PLEKHG1: variants seen among roughly 807,000 people sequenced by gnomAD.
The protein encoded by PLEKHG1 is pleckstrin homology and RhoGEF domain containing G1, also known as pleckstrin homology domain-containing family G member 1.
Under a neutral mutation model 100.8 loss-of-function variants are expected in PLEKHG1, and 44 were observed. The observed-to-expected ratio is 0.44, with a 90% confidence interval of 0.34 to 0.56. PLEKHG1 has a LOEUF of 0.56. Ranked by LOEUF, PLEKHG1 falls within the 20% of genes least tolerant of loss-of-function variation. PLEKHG1 has a pLI of 0.01. For synonymous variants in PLEKHG1, 640 were observed against 662.5 expected, an observed-to-expected ratio of 0.97 and a Z score of 0.52; for missense variants, 1,545 against 1,720.9, an observed-to-expected ratio of 0.90 and a Z score of 1.81.
rs112509716 is a variant in PLEKHG1, at chr6:150,703,997, C to T, written c.-98-29587C>T. Among the ~76,000 whole-genome samples, 1,224 of 152,332 alleles carry T rather than the reference C, an allele frequency of 8.0e-3. 13 individuals carry two copies. Among genetic ancestry groups the T allele is most frequent in the African/African-American group, 0.028 (1,178 of 41,570 alleles). On this transcript the variant is annotated intron_variant, in intron 3 of 3. Transcript: ENST00000367326. Reference sequence around the variant, plus strand: ...CAGTTTGACATAGTAGAGCCTTTCACTCTGGTGAAGATCAGGACTTACAAA... The same window carrying T: ...CAGTTTGACATAGTAGAGCCTTTCATTCTGGTGAAGATCAGGACTTACAAA...
intron 3 of PLEKHG1, among the ~76,000 whole-genome samples, chr6:150,699,754 C>T (rs1054228016): frequency 1.3e-5 from 2 of 152,180 alleles, no homozygotes; most frequent in African/African-American, 4.8e-5. Context: ...TCTCTACTTT[C>T]AAAATAGTTT....
chr6:150,771,079 G>A (rs544957506), intron 3 of PLEKHG1, among the ~76,000 whole-genome samples: 3 of 152,214 alleles, frequency 2.0e-5, no homozygotes, highest in African/African-American at 2.4e-5. Context: ...GCTCTTAATC[G>A]CTAGAGTTTA....
chr6:150,649,714 TA>T (rs1193215772), intron 2 of PLEKHG1, among the ~76,000 whole-genome samples: 1 of 151,580 alleles, frequency 6.6e-6, no homozygotes, highest in Non-Finnish European at 1.5e-5. Flanking sequence ...CTGTCGCTAC[TA>T]AAAATACAAA....
At chr6:150,802,747 G>A (rs982837148) in intron 6 of PLEKHG1, among the ~76,000 whole-genome samples, 2 of 148,240 alleles carry the variant, frequency 1.3e-5, no homozygotes, top group East Asian at 2.0e-4. Context: ...TGCAACCTCC[G>A]CCTCCCGGGT....
intron 1 of PLEKHG1, among the ~76,000 whole-genome samples, chr6:150,608,619 C>T (rs547143369): frequency 3.9e-5 from 6 of 152,186 alleles, no homozygotes; most frequent in Admixed American, 1.3e-4. Flanking sequence ...AATTATTACT[C>T]GATGCTTCAA....
At chr6:150,761,207 G>A (rs781139667) in intron 2 of PLEKHG1, among the ~76,000 whole-genome samples, 3 of 146,276 alleles carry the variant, frequency 2.1e-5, no homozygotes, top group Admixed American at 1.4e-4. Context: ...CTGGGTTCAA[G>A]CGATTCTCCT....
intron 2 of PLEKHG1, among the ~76,000 whole-genome samples, chr6:150,642,536 A>G (rs1408459275): frequency 6.6e-6 from 1 of 152,166 alleles, no homozygotes; most frequent in Non-Finnish European, 1.5e-5. Flanking sequence ...TTAATATTAA[A>G]GTTGTATTTT....
intron 1 of PLEKHG1, among the ~76,000 whole-genome samples, chr6:150,630,366 T>C (rs1777694863): frequency 6.6e-6 from 1 of 152,192 alleles, no homozygotes. Context: ...TGAGAGCTGA[T>C]GGGATCTGGG....
chr6:150,705,608 TC>T (rs1780973633), intron 3 of PLEKHG1, among the ~76,000 whole-genome samples: 1 of 152,236 alleles, frequency 6.6e-6, no homozygotes, highest in South Asian at 2.1e-4. Flanking sequence ...TCAATCCACC[TC>T]CAGTCTGGAG....
At chr6:150,776,170 A>G (rs1784950426) in intron 3 of PLEKHG1, among the ~76,000 whole-genome samples, 1 of 152,220 alleles carries the variant, frequency 6.6e-6, no homozygotes, top group Non-Finnish European at 1.5e-5. Context: ...TTCCCACCCA[A>G]CTAAGGGACC....
Position 150,819,715 on chromosome 6 carries a change from C to G in PLEKHG1, c.1349C>G (p.Thr450Arg). The G allele has an allele frequency of 1.9e-6, 3 of 1,612,358 alleles. No homozygotes were observed. The highest frequency in any genetic ancestry group is 2.2e-5 in the East Asian group (1 of 44,880). The stretch of plus-strand genomic sequence containing the variant: ...TTCTGTTACAGTCCTGAGGGAGGGA[C>G]GAAAGCACTGTTCGGCTCTAAAGAA... The change falls in exon 12 of 16, where the codon ACG (threonine) becomes AGG (arginine). Residue 450 changes from threonine to arginine, a missense_variant. By Grantham distance (71) the Thr-to-Arg change is moderately conservative. Coordinates refer to ENST00000358517, the Ensembl canonical transcript of PLEKHG1.
chr6:150,835,765 A>C (rs901105572), intron 15 of PLEKHG1, among the ~76,000 whole-genome samples: 4 of 152,170 alleles, frequency 2.6e-5, no homozygotes, highest in Non-Finnish European at 5.9e-5. Flanking sequence ...ATGTCACACA[A>C]GCTATAGACT....
At chr6:150,755,006 C>T (rs1318392848) in intron 2 of PLEKHG1, among the ~76,000 whole-genome samples, 1 of 150,434 alleles carries the variant, frequency 6.6e-6, no homozygotes, top group African/African-American at 2.4e-5. Flanking sequence ...GATAGGATCT[C>T]GCTCTGTTAC....
intron 3 of PLEKHG1, among the ~76,000 whole-genome samples, chr6:150,651,641 T>C (rs1778740594): frequency 6.6e-6 from 1 of 151,946 alleles, no homozygotes; most frequent in African/African-American, 2.4e-5. Flanking sequence ...GGCAGATCAC[T>C]TGCGATGAGG....
chr6:150,808,149 G>A (rs1489984303), intron 7 of PLEKHG1, among the ~76,000 whole-genome samples: 1 of 152,118 alleles, frequency 6.6e-6, no homozygotes, highest in East Asian at 1.9e-4. Context: ...ATTATGCATT[G>A]TATGCCTGTC....
chr6:150,706,280 C>T (rs1167529539), intron 3 of PLEKHG1, among the ~76,000 whole-genome samples: 1 of 152,096 alleles, frequency 6.6e-6, no homozygotes, highest in Non-Finnish European at 1.5e-5. Flanking sequence ...TCTTTGGGGG[C>T]TGTGGTTTGT....
intron 14 of PLEKHG1, among the ~76,000 whole-genome samples, chr6:150,824,129 G>T (rs761497911): frequency 6.6e-6 from 1 of 152,240 alleles, no homozygotes. Flanking sequence ...TGCTGCTGAC[G>T]TAAGAGGTGA....
chr6:150,836,020 G>A (rs1445383298), intron 15 of PLEKHG1, among the ~76,000 whole-genome samples: 1 of 152,096 alleles, frequency 6.6e-6, no homozygotes, highest in Non-Finnish European at 1.5e-5. Flanking sequence ...TGATTTCCAG[G>A]CCACCTTTCC....
At chr6:150,840,308 C>T in exon 16 of PLEKHG1, 4 of 1,614,184 alleles carry the variant, frequency 2.5e-6, no homozygotes, top group Non-Finnish European at 3.4e-6. Flanking sequence ...TCTTGATCAA[C>T]AAATCAATGG....
Sources: allele counts gnomAD v4.1 joint callset (sites outside exome capture counted in the v4.1 genomes callset), GRCh38; gene constraint gnomAD v4.1.1; transcripts MANE v1.5; gene names NCBI Gene and HGNC (gene_info 2026-07-23, HGNC 2026-07-21).